Variants in MBD5 observed in about 807,000 individuals in gnomAD.
MBD5 encodes methyl-CpG-binding domain protein 5.
In MBD5, 13 loss-of-function variants were observed where a neutral mutation model predicts 117.3. That is an observed-to-expected ratio of 0.11 (90% CI 0.07 to 0.18). MBD5 has a LOEUF of 0.18. Ranked by LOEUF, MBD5 falls within the 10% of genes least tolerant of loss-of-function variation. The pLI, the probability that MBD5 is intolerant of heterozygous loss-of-function variation, is 1.00. For missense variants in MBD5, 1,879 were observed against 2,093.8 expected (o/e 0.90, Z 2.00); for synonymous variants, 727 against 766.4 (o/e 0.95, Z 0.85).
chr2:148,500,340 A>T (rs1276303754), intron 11 of MBD5, among the ~76,000 whole-genome samples: 1 of 152,018 alleles, frequency 6.6e-6, no homozygotes, highest in East Asian at 1.9e-4. Context: ...TTCAATGTAT[A>T]TTGGAGTTGG....
At chr2:148,373,476 A>G (rs1404327336) in intron 4 of MBD5, among the ~76,000 whole-genome samples, 2 of 152,128 alleles carry the variant, frequency 1.3e-5, no homozygotes, top group African/African-American at 4.8e-5. Flanking sequence ...TTTTACAAAT[A>G]CCATTTTAGC....
chr2:148,202,273 T>C (rs1022445000), intron 2 of MBD5, among the ~76,000 whole-genome samples: 4 of 152,134 alleles, frequency 2.6e-5, no homozygotes, highest in South Asian at 4.1e-4. Flanking sequence ...TAGAAGGTAA[T>C]TGGGTTTGGA....
At chr2:148,283,606 G>T (rs187512837) in intron 3 of MBD5, among the ~76,000 whole-genome samples, 45 of 152,184 alleles carry the variant, frequency 3.0e-4, no homozygotes, top group African/African-American at 1.1e-3. Flanking sequence ...ACAAATCTAA[G>T]AACTAAACCA....
chr2:148,158,705 T>G (rs1574079522), intron 1 of MBD5, among the ~76,000 whole-genome samples: 1 of 75,148 alleles, frequency 1.3e-5, no homozygotes, highest in African/African-American at 3.1e-5. Context: ...CCTGTAATTT[T>G]TGTTTGTTTG....
chr2:148,413,280 T>C (rs1383077091), intron 4 of MBD5, among the ~76,000 whole-genome samples: 2 of 152,180 alleles, frequency 1.3e-5, no homozygotes, highest in Admixed American at 6.5e-5. Context: ...AATCTGCATA[T>C]GTTGAAGTAA....
chr2:148,105,931 G>T (rs1459924422), intron 1 of MBD5, among the ~76,000 whole-genome samples: 1 of 151,602 alleles, frequency 6.6e-6, no homozygotes, highest in Non-Finnish European at 1.5e-5. Flanking sequence ...AAAACAATTG[G>T]ATTATTTCTA....
In MBD5 at chr2:148,456,052, C is replaced by T. The variant is rs572244664; in HGVS notation, c.-556-2151C>T. On this transcript the variant is annotated intron_variant, in intron 4 of 13. Coordinates refer to ENST00000642680, the MANE Select transcript of MBD5 (RefSeq NM_001378120.1). ...CCCGTCCTAACTTCCTCATCCCTCCCGTCCTCTTTCCTTTTTGTTCTTCCA... is the reference window on the plus strand; with the variant it reads ...CCCGTCCTAACTTCCTCATCCCTCCTGTCCTCTTTCCTTTTTGTTCTTCCA... Among the ~76,000 whole-genome samples, 92 of 152,264 alleles carry T rather than the reference C, an allele frequency of 6.0e-4. 2 individuals are homozygous for T. The highest frequency in any genetic ancestry group is 1.1e-3 in the Non-Finnish European group (76 of 68,012).
chr2:148,220,382 C>G (rs1422193286), intron 2 of MBD5, among the ~76,000 whole-genome samples: 2 of 152,210 alleles, frequency 1.3e-5, no homozygotes, highest in Non-Finnish European at 2.9e-5. Flanking sequence ...AGGCACTGGA[C>G]TACAGAGCAA....
chr2:148,150,968 C>A (rs1481238050), intron 1 of MBD5, among the ~76,000 whole-genome samples: 1 of 151,406 alleles, frequency 6.6e-6, no homozygotes, highest in Non-Finnish European at 1.5e-5. Context: ...GCCAGAACTT[C>A]CAACACTATG....
At chr2:148,146,858 ATTCT>A (rs1697481663) in intron 1 of MBD5, among the ~76,000 whole-genome samples, 1 of 152,224 alleles carries the variant, frequency 6.6e-6, no homozygotes, top group South Asian at 2.1e-4. Context: ...AAGTTCACTG[ATTCT>A]TTCTTCTGTG....
intron 1 of MBD5, chr2:148,068,460 TG>T (rs1285922401): frequency 6.6e-6 from 1 of 152,142 alleles, no homozygotes; most frequent in Non-Finnish European, 1.5e-5. Flanking sequence ...GAGAGAGAAA[TG>T]TAATGAAAGA....
intron 8 of MBD5, chr2:148,471,233 A>T (rs1680786386): frequency 6.6e-6 from 1 of 152,110 alleles, no homozygotes; most frequent in Admixed American, 6.6e-5. Flanking sequence ...AGCCACCATT[A>T]AGGAAACAAA....
chr2:148,049,227 C>T (rs141492325), intron 1 of MBD5, among the ~76,000 whole-genome samples: 85 of 152,286 alleles, frequency 5.6e-4, no homozygotes, highest in African/African-American at 1.9e-3. Context: ...TGGACATCAC[C>T]TTAGCTCTTT....
At chr2:148,181,444 TC>T in intron 2 of MBD5, among the ~76,000 whole-genome samples, 1 of 152,284 alleles carries the variant, frequency 6.6e-6, no homozygotes, top group Admixed American at 6.5e-5. Flanking sequence ...ATCAGATGCG[TC>T]CCCACATAAA....
chr2:148,130,244 AT>A (rs1697004750), intron 1 of MBD5, among the ~76,000 whole-genome samples: 1 of 152,132 alleles, frequency 6.6e-6, no homozygotes, highest in Non-Finnish European at 1.5e-5. Flanking sequence ...TTTATCTTCC[AT>A]TTTCTCCTGA....
Position 148,100,661 on chromosome 2 carries a change from C to T in MBD5, c.-924-78039C>T, listed in dbSNP as rs1922455. Among the ~76,000 whole-genome samples the T allele has an allele frequency of 9.1e-3, 1,382 of 152,286 alleles. 13 individuals carry two copies. The highest frequency in any genetic ancestry group is 0.031 in the African/African-American group (1,283 of 41,546). On this transcript the variant is annotated intron_variant, in intron 1 of 13. Transcript: ENST00000642680. ...CTCAGTTCTCCAAAAGGGCCTGTGC[C>T]ATATGTTCTCTCCTCATAGGCTAGT...
intron 11 of MBD5, among the ~76,000 whole-genome samples, chr2:148,493,186 A>G (rs1477261561): frequency 6.6e-6 from 1 of 152,174 alleles, no homozygotes; most frequent in Admixed American, 6.5e-5. Flanking sequence ...ATCATTTTCC[A>G]TAGTGTTTAT....
intron 4 of MBD5, among the ~76,000 whole-genome samples, chr2:148,421,530 GTTT>G (rs113269765): frequency 6.8e-6 from 1 of 147,544 alleles, no homozygotes; most frequent in Non-Finnish European, 1.5e-5. Flanking sequence ...AGCTGCAGAA[GTTT>G]TTTTTTTTTT....
chr2:148,392,583 A>C (rs1468400264), intron 4 of MBD5, among the ~76,000 whole-genome samples: 1 of 152,160 alleles, frequency 6.6e-6, no homozygotes, highest in African/African-American at 2.4e-5. Flanking sequence ...TGGTGTGTTT[A>C]ATTTTCCAAA....
Sources: gnomAD v4.1 joint callset for allele counts (sites outside exome capture counted in the v4.1 genomes callset) on GRCh38, gnomAD v4.1.1 for gene constraint, MANE v1.5 for transcripts, NCBI Gene and HGNC (gene_info 2026-07-23, HGNC 2026-07-21) for gene names.